The following AMPH variants were observed in gnomAD, a reference collection of about 807,000 sequenced individuals.
The protein encoded by AMPH is amphiphysin, also known as amphiphysin (Stiff-Mann syndrome with breast cancer 128kD autoantigen).
In AMPH, 49 loss-of-function variants were observed where a neutral mutation model predicts 99.1. The observed-to-expected ratio is 0.49, with a 90% CI of 0.39 to 0.63. The LOEUF (loss-of-function observed/expected upper bound fraction) is 0.63, where lower values mean the gene tolerates loss of function less well. AMPH is among the 20% of genes least tolerant of loss of function. The pLI is 0.00. For missense variants in AMPH, 759 were observed against 863.4 expected (o/e 0.88, Z 1.52); for synonymous variants, 314 against 317.3 (o/e 0.99, Z 0.11).
intron 17 of AMPH, among the ~76,000 whole-genome samples, chr7:38,403,129 A>G (rs1784888360): frequency 6.6e-6 from 1 of 152,158 alleles, no homozygotes; most frequent in African/African-American, 2.4e-5. Flanking sequence ...TCAAAGTTAC[A>G]GACGAGTGGC....
chr7:38,569,354 T>G (rs1390418134), intron 1 of AMPH, among the ~76,000 whole-genome samples: 3 of 152,062 alleles, frequency 2.0e-5, no homozygotes, highest in African/African-American at 7.2e-5. Context: ...TACACATAAT[T>G]TCTAATGATA....
intron 9 of AMPH, 110 bp downstream of exon 9, chr7:38,465,357 G>T: frequency 1.1e-6 from 1 of 892,626 alleles, no homozygotes. Context: ...AGGGTGAAAA[G>T]GCTCCTGTGG....
intron 5 of AMPH, among the ~76,000 whole-genome samples, chr7:38,486,911 T>C (rs944458436): frequency 5.3e-5 from 8 of 152,006 alleles, no homozygotes; most frequent in African/African-American, 9.7e-5. Context: ...AAACTAGAAA[T>C]AGAGGGAAAG....
At chr7:38,590,538 C>A (rs1480136895) in intron 1 of AMPH, among the ~76,000 whole-genome samples, 5 of 152,296 alleles carry the variant, frequency 3.3e-5, no homozygotes, top group African/African-American at 1.2e-4. Context: ...ACTCCCGGCT[C>A]GAATGCCTGG....
chr7:38,543,042 C>T (rs1396153272), intron 1 of AMPH, among the ~76,000 whole-genome samples: 2 of 150,660 alleles, frequency 1.3e-5, no homozygotes, highest in East Asian at 2.0e-4. Context: ...TGCAGTGAGC[C>T]GAGATCGTGC....
intron 7 of AMPH, among the ~76,000 whole-genome samples, chr7:38,468,027 GT>G (rs1254344881): frequency 7.9e-5 from 12 of 152,074 alleles, no homozygotes; most frequent in African/African-American, 2.9e-4. Flanking sequence ...TATGATTAAG[GT>G]TTTGTACACA....
At chr7:38,533,893 C>A (rs762222498) in intron 2 of AMPH, among the ~76,000 whole-genome samples, 7 of 152,152 alleles carry the variant, frequency 4.6e-5, no homozygotes, top group Non-Finnish European at 7.3e-5. Context: ...CCTCCCCAGC[C>A]CTTACGTGTG....
Position 38,607,380 on chromosome 7 carries a change from G to A in AMPH, c.69+23903C>T, listed in dbSNP as rs74537547. Among the ~76,000 whole-genome samples the A allele has an allele frequency of 5.1e-3, 771 of 152,288 alleles. 6 individuals are homozygous for A. Among genetic ancestry groups the A allele is most frequent in the Non-Finnish European group, 5.9e-3 (400 of 68,016 alleles). On this transcript the variant is annotated intron_variant, in intron 1 of 20. Transcript: ENST00000356264. ...ATTTCCAAAGCAGAACATGCAAAAT[G>A]CTAACATAGTTAAATGTCTATTTGG...
At chr7:38,607,888 C>T (rs375889696) in intron 1 of AMPH, among the ~76,000 whole-genome samples, 3 of 152,194 alleles carry the variant, frequency 2.0e-5, no homozygotes, top group African/African-American at 4.8e-5. Context: ...ACTTAAAACA[C>T]AGAATTTTCT....
intron 17 of AMPH, 54 bp from the exon 18 acceptor site, chr7:38,394,268 G>T (rs1017716285): frequency 1.6e-5 from 25 of 1,582,880 alleles, no homozygotes; most frequent in Non-Finnish European, 1.1e-5. Flanking sequence ...CCTCTGCCAG[G>T]AGTCAAACTC....
At chr7:38,616,882 G>A (rs1359142067) in intron 1 of AMPH, among the ~76,000 whole-genome samples, 5 of 152,184 alleles carry the variant, frequency 3.3e-5, no homozygotes, top group Admixed American at 1.3e-4. Context: ...GAGGCATGGA[G>A]GAGCTAATGG....
intron 12 of AMPH, among the ~76,000 whole-genome samples, chr7:38,434,679 C>T (rs1441697844): frequency 6.6e-6 from 1 of 150,770 alleles, no homozygotes; most frequent in Non-Finnish European, 1.5e-5. Flanking sequence ...GTGAAGCTTG[C>T]AGTGAGCCAA....
chr7:38,559,634 C>T (rs1791488209), intron 1 of AMPH, among the ~76,000 whole-genome samples: 1 of 152,190 alleles, frequency 6.6e-6, no homozygotes, highest in African/African-American at 2.4e-5. Context: ...GTGCTGCATG[C>T]TTTATTTCAC....
In AMPH at chr7:38,384,725, C is replaced by T; in HGVS notation, c.*93G>A. On this transcript the variant is annotated 3_prime_UTR_variant, in exon 21 of 21. Coordinates refer to ENST00000356264, the MANE Select transcript of AMPH (RefSeq NM_001635.4). ...GTTTGTCTGGCATCAGTCTGTAAAT[C>T]ATTAAGAGCATAATAACAAAAGTGA... 2 of 1,032,186 alleles carry T rather than the reference C, an allele frequency of 1.9e-6. No homozygotes were observed. The highest frequency in any genetic ancestry group is 1.8e-5 in the Admixed American group (1 of 55,088). The allele number at this position is 1,032,186 out of a possible 1,614,324, so 63.9% of individuals were successfully genotyped here. A position where few individuals can be genotyped will look rare whatever the true frequency, so the allele number is the denominator to read the frequency against.
intron 5 of AMPH, among the ~76,000 whole-genome samples, chr7:38,481,627 A>C (rs926272960): frequency 2.0e-5 from 3 of 152,164 alleles, no homozygotes; most frequent in African/African-American, 7.2e-5. Context: ...AACAGAAACC[A>C]TAACGCAGGG....
chr7:38,570,428 C>G (rs1015198815), intron 1 of AMPH, among the ~76,000 whole-genome samples: 1 of 152,082 alleles, frequency 6.6e-6, no homozygotes, highest in Non-Finnish European at 1.5e-5. Context: ...GTGTCAAAGA[C>G]AGATCAAATA....
chr7:38,496,188 T>A, intron 3 of AMPH, among the ~76,000 whole-genome samples: 1 of 152,192 alleles, frequency 6.6e-6, no homozygotes, highest in South Asian at 2.1e-4. Context: ...TTTGTTAAAC[T>A]GAAAACTCAA....
chr7:38,476,843 C>T lies in AMPH; in HGVS notation c.504+19G>A, dbSNP rs1280364386. The stretch of plus-strand genomic sequence containing the variant: ...CATAAAATACGGAGAGTGGTATTCA[C>T]CATGGGCTCAATCCCTACCTTAGAG... On this transcript the variant is annotated intron_variant, in intron 6 of 20. Transcript: ENST00000356264. The T allele has an allele frequency of 6.3e-7, 1 of 1,589,430 alleles. No individual in the cohort carries two copies. Among genetic ancestry groups the T allele is most frequent in the Admixed American group, 1.7e-5 (1 of 59,920 alleles).
chr7:38,613,001 A>G (rs1793738808), intron 1 of AMPH, among the ~76,000 whole-genome samples: 1 of 152,190 alleles, frequency 6.6e-6, no homozygotes, highest in African/African-American at 2.4e-5. Flanking sequence ...GAAATACTAC[A>G]TACCGTGCCA....
Sources: gnomAD v4.1 joint callset for allele counts (sites outside exome capture counted in the v4.1 genomes callset) on GRCh38, gnomAD v4.1.1 for gene constraint, MANE v1.5 for transcripts, NCBI Gene and HGNC (gene_info 2026-07-23, HGNC 2026-07-21) for gene names.